BNIP1: variants seen among roughly 807,000 people sequenced by gnomAD.
BNIP1 encodes the protein BCL2 interacting protein 1, also known as vesicle transport protein SEC20.
A neutral mutation model predicts 28.5 loss-of-function variants in BNIP1; 25 were observed. That is an observed-to-expected ratio of 0.88 (90% CI 0.64 to 1.23). The LOEUF (loss-of-function observed/expected upper bound fraction) is 1.23, where lower values mean the gene tolerates loss of function less well. Ranked by LOEUF, BNIP1 falls within the 50% of genes most tolerant of loss-of-function variation. The pLI, the probability that BNIP1 is intolerant of heterozygous loss-of-function variation, is 0.00. For missense variants in BNIP1, 276 were observed against 277.0 expected (o/e 1.00, Z 0.02); for synonymous variants, 118 against 101.7 (o/e 1.16, Z -0.96).
At chr5:173,146,666 A>G (rs1010524624) in intron 1 of BNIP1, among the ~76,000 whole-genome samples, 200 bp from the exon 2 acceptor site, 3 of 152,220 alleles carry the variant, frequency 2.0e-5, no homozygotes, top group African/African-American at 7.2e-5. Context: ...TATTAATTCA[A>G]CATTAATCTA....
chr5:173,160,123 C>G (rs1438463912), intron 5 of BNIP1, 72 bp downstream of exon 5: 1 of 1,363,974 alleles, frequency 7.3e-7, no homozygotes, highest in Non-Finnish European at 1.0e-6. Context: ...GGCACCTCCA[C>G]TCTGGGCTCC....
chr5:173,153,493 C>T (rs1760084192), intron 2 of BNIP1, among the ~76,000 whole-genome samples: 1 of 152,138 alleles, frequency 6.6e-6, no homozygotes, highest in African/African-American at 2.4e-5. Flanking sequence ...TCCCAAAGTG[C>T]TGGGATTACA....
At position 173,163,873 on chromosome 5, in the gene BNIP1, T is replaced by A; in HGVS notation, c.639T>A (p.Leu213=). 1.2e-6 allele frequency: 2 copies of A among 1,613,870 alleles called. No individual in the cohort carries two copies. Among genetic ancestry groups the A allele is most frequent in the Non-Finnish European group, 1.7e-6 (2 of 1,179,892 alleles). The change falls in exon 6 of 6, where the codon CTT becomes CTA. Residue 213 remains leucine (L), a synonymous_variant. Coordinates refer to ENST00000351486, the MANE Select transcript of BNIP1 (RefSeq NM_001205.3). ...LLIFLALALF[L]ATVLYIVKKR... is the part of the protein sequence containing the mutation. ...TCTTCCTTGCGCTAGCCCTGTTTCT[T>A]GCTACGGTCCTCTATATTGTGAAAA...
chr5:173,152,095 T>C lies in BNIP1; in HGVS notation c.178-2227T>C, dbSNP rs561453684. 6.6e-5 allele frequency among the ~76,000 whole-genome samples: 10 copies of C among 152,354 alleles called. No individual in the cohort carries two copies. In the East Asian group the frequency reaches 1.3e-3, roughly 21 times the overall value. ...ATCTGTGTGTTTGTCTTTGTACATATAGCTCTCAAACTGGAATTTGAGGAC... is the reference window on the plus strand; with the variant it reads ...ATCTGTGTGTTTGTCTTTGTACATACAGCTCTCAAACTGGAATTTGAGGAC... On this transcript the variant is annotated intron_variant, in intron 2 of 5. Transcript: ENST00000351486.
chr5:173,161,720 C>G (rs1760368384), intron 5 of BNIP1: 1 of 152,194 alleles, frequency 6.6e-6, no homozygotes, highest in Non-Finnish European at 1.5e-5. Flanking sequence ...ATTTGCTCCA[C>G]AATTGCAGGA....
intron 1 of BNIP1, chr5:173,145,034 C>T (rs1329262053): frequency 1.2e-5 from 2 of 167,724 alleles, no homozygotes; most frequent in African/African-American, 2.4e-5. Context: ...CAGCTAGCCC[C>T]GCCCCCTGCT....
intron 2 of BNIP1, chr5:173,151,754 A>G: frequency 1.2e-6 from 2 of 1,600,362 alleles, no homozygotes; most frequent in Admixed American, 1.7e-5. Flanking sequence ...TATTTCCTTC[A>G]CTCATTAAAA....
intron 3 of BNIP1, among the ~76,000 whole-genome samples, chr5:173,155,708 ATATTTT>A: frequency 6.6e-6 from 1 of 152,122 alleles, no homozygotes; most frequent in South Asian, 2.1e-4. Flanking sequence ...CAAAAAAAAA[ATATTTT>A]TATTTTTAAA....
chr5:173,150,526 C>T (rs950540040), intron 2 of BNIP1, among the ~76,000 whole-genome samples: 3 of 152,172 alleles, frequency 2.0e-5, no homozygotes, highest in African/African-American at 7.2e-5. Flanking sequence ...CTGATCTCTT[C>T]CTGCCTTCAT....
At chr5:173,158,186 C>T (rs1760258679) in intron 3 of BNIP1, among the ~76,000 whole-genome samples, 2 of 151,462 alleles carry the variant, frequency 1.3e-5, no homozygotes, top group African/African-American at 4.8e-5. Flanking sequence ...CCACCTCGGC[C>T]TCCTAAAGTG....
At chr5:173,157,926 G>GTT (rs1173336773) in intron 3 of BNIP1, among the ~76,000 whole-genome samples, 14 of 138,188 alleles carry the variant, frequency 1.0e-4, no homozygotes, top group South Asian at 4.5e-4. Flanking sequence ...GTGTGTGTGT[G>GTT]TTTTTTTTTT....
chr5:173,147,354 G>A (rs1278858455), intron 2 of BNIP1, among the ~76,000 whole-genome samples: 7 of 151,822 alleles, frequency 4.6e-5, no homozygotes, highest in African/African-American at 1.2e-4. Flanking sequence ...GCAGTGAGCC[G>A]AGATCGAGCC....
chr5:173,152,703 A>G (rs1760057650), intron 2 of BNIP1, among the ~76,000 whole-genome samples: 1 of 152,188 alleles, frequency 6.6e-6, no homozygotes, highest in Admixed American at 6.5e-5. Flanking sequence ...AATTATGAAA[A>G]TAATTGATGA....
chr5:173,158,844 AG>A lies in BNIP1; in HGVS notation c.371+1del. The A allele has an allele frequency of 6.2e-7, 1 of 1,610,434 alleles. No homozygotes were observed. ...TCAGGGAGGAGATCTCTTAAGGCAAAGGTACCTATTCTTTTATTTTTCTGGG... is the reference window on the plus strand; with the variant it reads ...TCAGGGAGGAGATCTCTTAAGGCAAAGTACCTATTCTTTTATTTTTCTGGG... Reference protein sequence around the residue: ...LLQGGDLLRQRKTTKESLAQT... With the variant: ...LLQGGDLLRQXKTTKESLAQT... On this transcript the variant is annotated frameshift_variant and splice_region_variant, in exon 4 of 6. Transcript: ENST00000351486. LOFTEE classifies it high-confidence loss of function.
At chr5:173,154,485 T>G (rs1160152163) in intron 3 of BNIP1, 72 bp downstream of exon 3, 6 of 1,234,064 alleles carry the variant, frequency 4.9e-6, no homozygotes, top group Non-Finnish European at 6.9e-6. Context: ...GCACGTGTGT[T>G]TGCCTGATGG....
intron 3 of BNIP1, among the ~76,000 whole-genome samples, chr5:173,156,567 G>A (rs1049978129): frequency 6.6e-6 from 1 of 151,992 alleles, no homozygotes; most frequent in African/African-American, 2.4e-5. Context: ...CAGTGGGCTC[G>A]GGAGGTCAAG....
At chr5:173,153,484 C>T (rs1760083591) in intron 2 of BNIP1, among the ~76,000 whole-genome samples, 1 of 152,142 alleles carries the variant, frequency 6.6e-6, no homozygotes, top group East Asian at 1.9e-4. Flanking sequence ...GCCTCGGCCT[C>T]CCAAAGTGCT....
intron 2 of BNIP1, among the ~76,000 whole-genome samples, chr5:173,149,001 G>A (rs1327481007): frequency 6.6e-6 from 1 of 152,040 alleles, no homozygotes; most frequent in Non-Finnish European, 1.5e-5. Context: ...ATGTTGGGTT[G>A]GCAGAGAACT....
At chr5:173,154,198 A>C in intron 2 of BNIP1, 124 bp from the exon 3 acceptor site, 1 of 716,504 alleles carries the variant, frequency 1.4e-6, no homozygotes, top group Non-Finnish European at 2.4e-6. Flanking sequence ...TAGCATTCCT[A>C]GGTGTTCTGT....
Sources: gnomAD v4.1 joint callset for allele counts (sites outside exome capture counted in the v4.1 genomes callset) on GRCh38, gnomAD v4.1.1 for gene constraint, MANE v1.5 for transcripts, NCBI Gene and HGNC (gene_info 2026-07-23, HGNC 2026-07-21) for gene names.